WDR4: variants seen among roughly 807,000 people sequenced by gnomAD.
WDR4 encodes tRNA (guanine-N(7)-)-methyltransferase non-catalytic subunit WDR4.
A neutral mutation model predicts 48.6 loss-of-function variants in WDR4; 47 were observed. The observed-to-expected ratio is 0.97, with a 90% CI of 0.77 to 1.23. The LOEUF (loss-of-function observed/expected upper bound fraction) is 1.23, where lower values mean the gene tolerates loss of function less well. WDR4 is among the 50% of genes most tolerant of loss of function. The probability of loss-of-function intolerance (pLI) is 0.00; values close to 1 mark genes in which losing one functional copy is unlikely to be tolerated. For missense variants in WDR4, 606 were observed against 551.6 expected, an observed-to-expected ratio of 1.10 and a Z score of -0.99; for synonymous variants, 268 against 230.0, an observed-to-expected ratio of 1.17 and a Z score of -1.49.
At chr21:42,891,192 G>A in the WDR4 span, among the ~76,000 whole-genome samples, 203 of 151,922 alleles carry the variant, frequency 1.3e-3, no homozygotes, top group Non-Finnish European at 2.6e-3. Context: ...GCATGGTGGC[G>A]GCGCCTGTAA....
At chr21:42,847,509 C>T (rs1248164101), downstream of WDR4, among the ~76,000 whole-genome samples, 1 of 152,158 alleles carries the variant, frequency 6.6e-6, no homozygotes, top group Non-Finnish European at 1.5e-5. Flanking sequence ...AAGCCAACCC[C>T]GCTGGGGAAG....
the WDR4 span, among the ~76,000 whole-genome samples, chr21:42,891,560 A>G: frequency 6.6e-6 from 1 of 152,198 alleles, no homozygotes; most frequent in Admixed American, 6.6e-5. Flanking sequence ...ATTCCAGATC[A>G]GGATCCCCAA....
chr21:42,851,056 GCCC>G, intron 10 of WDR4, among the ~76,000 whole-genome samples: 1 of 152,300 alleles, frequency 6.6e-6, no homozygotes, highest in Non-Finnish European at 1.5e-5. Context: ...CCCAACGCAG[GCCC>G]CCAAGTCTGC....
chr21:42,874,841 C>T (rs924759683), intron 2 of WDR4, among the ~76,000 whole-genome samples: 5 of 152,120 alleles, frequency 3.3e-5, no homozygotes, highest in Admixed American at 3.3e-4. Flanking sequence ...TCCTGTGGTC[C>T]TGCGATCTCG....
intron 9 of WDR4, 74 bp downstream of exon 9, chr21:42,853,494 AC>A: frequency 1.3e-6 from 2 of 1,491,874 alleles, no homozygotes; most frequent in Non-Finnish European, 1.8e-6. Context: ...GACCCAAAAA[AC>A]ATAGCTGCCG....
intron 3 of WDR4, among the ~76,000 whole-genome samples, chr21:42,870,402 T>G (rs999670397): frequency 6.6e-6 from 1 of 152,028 alleles, no homozygotes; most frequent in Non-Finnish European, 1.5e-5. Flanking sequence ...CCAGATGAAA[T>G]GAATCACAAA....
chr21:42,879,600 C>G (rs1378910891), upstream of WDR4: 12 of 1,383,894 alleles, frequency 8.7e-6, no homozygotes, highest in South Asian at 1.4e-4. Context: ...GACGTATACC[C>G]CACGTACCGC....
Position 42,862,699 on chromosome 21 carries a change from C to T in WDR4, c.454-305G>A, listed in dbSNP as rs1033048755. Among the ~76,000 whole-genome samples the T allele has an allele frequency of 1.2e-4, 18 of 152,296 alleles. No homozygotes were observed. The highest frequency in any genetic ancestry group is 3.8e-4 in the African/African-American group (16 of 41,560). ...CGCACCTTGGCAAATCCAGGCCCCA[C>T]GCCCATTTCCACCCGCCACAGGCCT... On this transcript the variant is annotated intron_variant, in intron 4 of 10. Coordinates refer to ENST00000398208, the MANE Select transcript of WDR4 (RefSeq NM_018669.6). This position sits in a 1 kb window ranked among gnomAD's most constrained non-coding sequence, Gnocchi z 4.3.
chr21:42,874,380 T>C (rs573581876), intron 2 of WDR4, among the ~76,000 whole-genome samples: 26 of 152,236 alleles, frequency 1.7e-4, no homozygotes, highest in South Asian at 1.4e-3. Flanking sequence ...ACTGCACAAA[T>C]TGTAGAGCAT....
chr21:42,870,794 TAAAA>T (rs1319994396), intron 3 of WDR4, among the ~76,000 whole-genome samples: 1 of 147,912 alleles, frequency 6.8e-6, no homozygotes, highest in African/African-American at 2.5e-5. Context: ...CGTCTCAAAT[TAAAA>T]AAAAAAATTA....
intron 2 of WDR4, among the ~76,000 whole-genome samples, chr21:42,874,798 C>T (rs953716262): frequency 2.0e-5 from 3 of 152,058 alleles, no homozygotes; most frequent in African/African-American, 7.2e-5. Context: ...CAGTGGTGCC[C>T]GAAACTTATT....
At chr21:42,891,861 G>C in the WDR4 span, among the ~76,000 whole-genome samples, 1 of 151,934 alleles carries the variant, frequency 6.6e-6, no homozygotes, top group Non-Finnish European at 1.5e-5. Context: ...GGAGGCTGAG[G>C]GAGGAGAATC....
intron 8 of WDR4, 83 bp from the exon 9 acceptor site, chr21:42,853,835 GC>G: frequency 7.1e-7 from 1 of 1,415,088 alleles, no homozygotes. Flanking sequence ...AGACGGTGCA[GC>G]CCTCGCCGGT....
At chr21:42,863,708 G>A in intron 3 of WDR4, 112 bp from the exon 4 acceptor site, 1 of 1,257,146 alleles carries the variant, frequency 8.0e-7, no homozygotes, top group Non-Finnish European at 1.1e-6. Flanking sequence ...CATATGCTCT[G>A]TTTTCCAGCT....
chr21:42,844,231 G>C (rs80007636), downstream of WDR4, among the ~76,000 whole-genome samples: 67 of 152,074 alleles, frequency 4.4e-4, no homozygotes, highest in Non-Finnish European at 7.9e-4. Flanking sequence ...GGAAGAGACC[G>C]AATAGCTAGA....
rs148900309 is a variant in WDR4 at position 42,867,847 on chromosome 21, G to A, written c.297-4251C>T. 3.2e-3 allele frequency among the ~76,000 whole-genome samples: 479 copies of A among 152,044 alleles called. 2 individuals are homozygous for A. Among genetic ancestry groups the A allele is most frequent in the African/African-American group, 0.01 (429 of 41,484 alleles). On this transcript the variant is annotated intron_variant, in intron 3 of 10. Coordinates refer to ENST00000398208, the MANE Select transcript of WDR4 (RefSeq NM_018669.6). ...CTCAAAATGCTGGGATTACAGGCAT[G>A]AGCCACCATGCCAGCCTCCCAGAGT...
downstream of WDR4, among the ~76,000 whole-genome samples, chr21:42,848,471 G>A (rs1207781726): frequency 8.0e-4 from 46 of 57,598 alleles, 2 homozygotes; most frequent in Admixed American, 3.5e-3. Flanking sequence ...ACGATCACGC[G>A]GCGCACACCT....
chr21:42,879,192 GAGCGGACGCCGAGAGCGGACGGCGAA>G lies in WDR4; in HGVS notation c.89+189_89+214del, dbSNP rs969888926. 329 of 1,337,562 alleles carry G rather than the reference GAGCGGACGCCGAGAGCGGACGGCGAA, an allele frequency of 2.5e-4. 1 individual carries two copies. The highest frequency in any genetic ancestry group is 4.7e-4 in the Admixed American group (14 of 29,580). 82.9% of individuals were successfully genotyped at this position (1,337,562 alleles called of 1,614,324 possible). ...GTGCAAGGAGCGCGCCGGAGCCGGG[GAGCGGACGCCGAGAGCGGACGGCGAA>G]AGCGGACCCTCCAGGCGCAGAGACG... is the stretch of plus-strand genomic sequence containing the variant. On this transcript the variant is annotated intron_variant, in intron 1 of 10. Coordinates refer to ENST00000398208, the MANE Select transcript of WDR4 (RefSeq NM_018669.6).
chr21:42,847,340 A>G (rs540960841), downstream of WDR4, among the ~76,000 whole-genome samples: 4 of 152,196 alleles, frequency 2.6e-5, no homozygotes, highest in Non-Finnish European at 5.9e-5. Context: ...ATGCAACTGT[A>G]AGAGGTATTT....
Sources: gnomAD v4.1 joint callset for allele counts (sites outside exome capture counted in the v4.1 genomes callset) on GRCh38, gnomAD v4.1.1 for gene constraint, Gnocchi (gnomAD v3.1) non-coding constraint, MANE v1.5 for transcripts, NCBI Gene and HGNC (gene_info 2026-07-23, HGNC 2026-07-21) for gene names.